Variants in RRN3 observed in about 807,000 individuals in gnomAD.
The protein encoded by RRN3 is RNA polymerase I transcription factor RRN3, also known as RNA polymerase I-specific transcription initiation factor RRN3.
In RRN3, 38 loss-of-function variants were observed where a neutral mutation model predicts 82.3. The ratio of observed to expected loss-of-function variants is 0.46; its 90% CI spans 0.36 to 0.61. RRN3 has a LOEUF of 0.61. Ranked by LOEUF, RRN3 falls within the 20% of genes least tolerant of loss-of-function variation. The pLI, the probability that RRN3 is intolerant of heterozygous loss-of-function variation, is 0.00. For missense variants in RRN3, 726 were observed against 793.1 expected, an observed-to-expected ratio of 0.92 and a Z score of 1.02; for synonymous variants, 284 against 284.3, an observed-to-expected ratio of 1.00 and a Z score of 0.01.
chr16:15,075,016 G>C (rs2045391510), intron 10 of RRN3, among the ~76,000 whole-genome samples, 155 bp from the exon 11 acceptor site: 1 of 152,166 alleles, frequency 6.6e-6, no homozygotes, highest in African/African-American at 2.4e-5. Flanking sequence ...TTGGGAAGCA[G>C]AGGTGGGGGG....
chr16:15,086,099 A>G, intron 5 of RRN3, 30 bp downstream of exon 5: 2 of 1,595,130 alleles, frequency 1.3e-6, no homozygotes, highest in Non-Finnish European at 1.7e-6. Context: ...AAGTATTAAA[A>G]AGAAAATAAA....
intron 9 of RRN3, among the ~76,000 whole-genome samples, chr16:15,077,468 G>A (rs767294442): frequency 7.2e-5 from 11 of 151,986 alleles, no homozygotes; most frequent in African/African-American, 1.9e-4. Flanking sequence ...TTCTCTTGCC[G>A]CCACCATGTA....
intron 3 of RRN3, among the ~76,000 whole-genome samples, chr16:15,088,537 A>C (rs2045996975): frequency 1.3e-5 from 2 of 152,146 alleles, no homozygotes; most frequent in Non-Finnish European, 2.9e-5. Flanking sequence ...CAAAATACCA[A>C]GAATGAGAAC....
intron 1 of RRN3, among the ~76,000 whole-genome samples, chr16:15,093,393 C>G (rs575718131): frequency 6.6e-6 from 1 of 152,322 alleles, no homozygotes; most frequent in South Asian, 2.1e-4. Context: ...CCTTCTCCCT[C>G]CCCCATTACC....
At chr16:15,088,728 C>G (rs2046003467) in intron 3 of RRN3, among the ~76,000 whole-genome samples, 1 of 152,084 alleles carries the variant, frequency 6.6e-6, no homozygotes, top group African/African-American at 2.4e-5. Context: ...TTTCAGAAAA[C>G]TGAAAAACGT....
At chr16:15,070,747 G>A (rs1028617655) in intron 13 of RRN3, among the ~76,000 whole-genome samples, 1 of 151,802 alleles carries the variant, frequency 6.6e-6, no homozygotes. Flanking sequence ...TCCTAGATAG[G>A]TCTATTACCT....
chr16:15,066,249 A>G lies in RRN3; in HGVS notation c.1554-878T>C, dbSNP rs2044967147. ...CTATCAGGTAAAGTTGAAGATCTGC[A>G]TCTCCTACAACCCCGCAGCTGACCG... On this transcript the variant is annotated intron_variant, in intron 15 of 17. Transcript: ENST00000198767. 2.0e-5 allele frequency among the ~76,000 whole-genome samples: 3 copies of G among 152,282 alleles called. No individual in the cohort carries two copies. In the South Asian group the frequency reaches 6.2e-4, roughly 32 times the overall value.
At chr16:15,092,458 G>C (rs752199928) in intron 2 of RRN3, 51 bp downstream of exon 2, 11 of 1,108,330 alleles carry the variant, frequency 9.9e-6, no homozygotes, top group Admixed American at 7.0e-5. Flanking sequence ...AACAGCAATA[G>C]TTGTATTCTG....
intron 3 of RRN3, among the ~76,000 whole-genome samples, chr16:15,086,893 C>T (rs2151816196): frequency 6.6e-6 from 1 of 152,282 alleles, no homozygotes; most frequent in South Asian, 2.1e-4. Flanking sequence ...CAATTGGGGT[C>T]ATGAATAAAC....
chr16:15,075,703 G>A (rs953944855), intron 10 of RRN3, among the ~76,000 whole-genome samples: 4 of 152,172 alleles, frequency 2.6e-5, no homozygotes, highest in Non-Finnish European at 5.9e-5. Context: ...ACCAGCTTCT[G>A]ATTCTCATTG....
Position 15,083,826 on chromosome 16 carries a change from C to T in RRN3, c.597-244G>A, listed in dbSNP as rs1436419812. On this transcript the variant is annotated intron_variant, in intron 7 of 17. Coordinates refer to ENST00000198767, the MANE Select transcript of RRN3 (RefSeq NM_018427.5). Reference sequence around the variant, plus strand: ...CCGCCTCCCAGGTTCAAGCGATTCTCCTGCCTCAACCTCCCAAACAGCTGG... The same window carrying T: ...CCGCCTCCCAGGTTCAAGCGATTCTTCTGCCTCAACCTCCCAAACAGCTGG... 3 of 393,374 alleles carry T rather than the reference C, an allele frequency of 7.6e-6. No individual in the cohort carries two copies. The East Asian group carries it at 1.9e-4, about 24-fold the overall frequency. 24.4% of individuals were successfully genotyped at this position (393,374 alleles called of 1,614,324 possible). A position where few individuals can be genotyped will look rare whatever the true frequency, so the allele number is the denominator to read the frequency against.
chr16:15,089,350 C>A (rs2046027936), intron 3 of RRN3, among the ~76,000 whole-genome samples: 2 of 151,998 alleles, frequency 1.3e-5, no homozygotes, highest in South Asian at 4.1e-4. Context: ...ATCTTGGCTA[C>A]AGACACAAAT....
rs531264402 is a variant in RRN3 at position 15,070,258 on chromosome 16, G to A, written c.1260-4C>T. On this transcript the variant is annotated splice_region_variant and splice_polypyrimidine_tract_variant and intron_variant, in intron 13 of 17. Coordinates refer to ENST00000198767, the MANE Select transcript of RRN3 (RefSeq NM_018427.5). ...ATCTAGGCATGATTTTACAGTACTA[G>A]AGAAAAGAAAAATTCAAGTCAACTT... 1.2e-6 allele frequency: 2 copies of A among 1,611,392 alleles called. No homozygotes were observed. Among genetic ancestry groups the A allele is most frequent in the Admixed American group, 1.7e-5 (1 of 59,934 alleles).
chr16:15,085,088 G>C (rs1363846199), intron 6 of RRN3, among the ~76,000 whole-genome samples: 4 of 151,686 alleles, frequency 2.6e-5, no homozygotes, highest in Non-Finnish European at 5.9e-5. Flanking sequence ...AACAAAAAGT[G>C]ACATACTTGA....
Position 15,076,592 on chromosome 16 carries a change from C to T in RRN3, c.824G>A (p.Gly275Asp). The T allele has an allele frequency of 1.2e-6, 2 of 1,613,366 alleles. No individual in the cohort carries two copies. Among genetic ancestry groups the T allele is most frequent in the East Asian group, 2.2e-5 (1 of 44,878 alleles). The stretch of plus-strand genomic sequence containing the variant: ...CAATCCTTCCGTGGAATCTGTCCCA[C>T]CACAAGTTTGAGTTGCTGTTTCTTC... ...DAEETATQTCGGTDSTEGLFN... is the reference protein window; with the variant it reads ...DAEETATQTCDGTDSTEGLFN... The change falls in exon 10 of 18, where the codon GGT (glycine) becomes GAT (aspartate). Residue 275 changes from glycine (G) to aspartate (D), a missense_variant. Physicochemically the swap from Gly to Asp is moderately conservative, Grantham distance 94 (BLOSUM62 -1). Around this residue, in one of 4 missense-constraint regions of RRN3, gnomAD observed 344 missense variants for 394.5 expected, o/e 0.87. Transcript: ENST00000198767.
intron 16 of RRN3, among the ~76,000 whole-genome samples, chr16:15,063,721 A>G (rs1362080398): frequency 1.3e-5 from 2 of 150,744 alleles, no homozygotes; most frequent in Non-Finnish European, 3.0e-5. Context: ...AAAAAAAAAA[A>G]AGAAAAAAAC....
At chr16:15,077,506 T>C (rs1190299647) in intron 9 of RRN3, among the ~76,000 whole-genome samples, 1 of 152,138 alleles carries the variant, frequency 6.6e-6, no homozygotes, top group Non-Finnish European at 1.5e-5. Context: ...CCCGCCATGA[T>C]TCTGAGGCCT....
chr16:15,087,903 T>G (rs559251023), intron 3 of RRN3, among the ~76,000 whole-genome samples: 1 of 151,604 alleles, frequency 6.6e-6, no homozygotes, highest in South Asian at 2.1e-4. Flanking sequence ...TCACCTGAGG[T>G]TGGGAGTTCG....
chr16:15,071,517 C>T (rs2045228091), intron 12 of RRN3, among the ~76,000 whole-genome samples: 1 of 152,244 alleles, frequency 6.6e-6, no homozygotes, highest in Admixed American at 6.5e-5. Flanking sequence ...CCTGTAATCC[C>T]AGCACTTTGG....
Sources: gnomAD v4.1 joint callset for allele counts (sites outside exome capture counted in the v4.1 genomes callset) on GRCh38, gnomAD v4.1.1 for gene constraint, gnomAD v4.1.1 regional missense constraint, MANE v1.5 for transcripts, NCBI Gene and HGNC (gene_info 2026-07-23, HGNC 2026-07-21) for gene names.